Variants in UCHL1 observed in about 807,000 individuals in gnomAD.
UCHL1 encodes ubiquitin C-terminal hydrolase L1, also known as ubiquitin carboxyl-terminal hydrolase isozyme L1.
A neutral mutation model predicts 33.3 loss-of-function variants in UCHL1; 5 were observed. That is an observed-to-expected ratio of 0.15 (90% confidence interval 0.08 to 0.32). UCHL1 has a LOEUF of 0.32. Among genes scored for constraint, UCHL1 ranks in the 10% least tolerant of loss-of-function variants. The pLI, the probability that UCHL1 is intolerant of heterozygous loss-of-function variation, is 1.00. For missense variants in UCHL1, 236 were observed against 280.0 expected (o/e 0.84, Z 1.12); for synonymous variants, 132 against 108.8 (o/e 1.21, Z -1.33).
At chr4:41,265,135 C>G (rs942422790) in intron 8 of UCHL1, among the ~76,000 whole-genome samples, 1 of 152,206 alleles carries the variant, frequency 6.6e-6, no homozygotes, top group Non-Finnish European at 1.5e-5. Flanking sequence ...ACTGACCCCT[C>G]TTCTTAGGTG....
At chr4:41,265,637 A>G (rs549851015) in intron 8 of UCHL1, among the ~76,000 whole-genome samples, 1 of 152,310 alleles carries the variant, frequency 6.6e-6, no homozygotes, top group Admixed American at 6.5e-5. Context: ...GCCATTGTAC[A>G]ATACCAATAT....
intron 2 of UCHL1, chr4:41,257,329 G>A (rs1317656631): frequency 5.0e-6 from 5 of 1,003,846 alleles, no homozygotes; most frequent in African/African-American, 1.7e-5. Flanking sequence ...GGAGACGGAG[G>A]GGGCTGCGCC....
chr4:41,261,642 G>T, intron 4 of UCHL1, 73 bp from the exon 5 acceptor site: 1 of 1,523,248 alleles, frequency 6.6e-7, no homozygotes, highest in South Asian at 1.1e-5. Flanking sequence ...TTCAGCAAAG[G>T]CTTAAGTCAA....
At chr4:41,266,069 G>A (rs1342143216) in intron 8 of UCHL1, among the ~76,000 whole-genome samples, 1 of 152,122 alleles carries the variant, frequency 6.6e-6, no homozygotes, top group Non-Finnish European at 1.5e-5. Flanking sequence ...GAATTTATAA[G>A]GTGTGGGGAA....
Position 41,256,945 on chromosome 4 carries a change from C to T in UCHL1, c.-32C>T, listed in dbSNP as rs778811044. The T allele has an allele frequency of 6.2e-7, 1 of 1,614,118 alleles. No homozygotes were observed. The highest frequency in any genetic ancestry group is 8.5e-7 in the Non-Finnish European group (1 of 1,180,010). On this transcript the variant is annotated 5_prime_UTR_variant, in exon 1 of 9. Coordinates refer to ENST00000284440, the MANE Select transcript of UCHL1 (RefSeq NM_004181.5). ...GCTCCGCTAGCTGTTTTTCGTCTTC[C>T]CTAGGCTATTTCTGCCGGGCGCTCC...
intron 3 of UCHL1, 86 bp from the exon 4 acceptor site, chr4:41,260,561 T>C (rs766048499): frequency 2.5e-5 from 38 of 1,513,852 alleles, no homozygotes; most frequent in Non-Finnish European, 3.3e-5. Context: ...CCACTGGTGT[T>C]TCCATTTAGT....
chr4:41,266,002 C>T (rs1781146423), intron 8 of UCHL1, among the ~76,000 whole-genome samples: 1 of 152,202 alleles, frequency 6.6e-6, no homozygotes, highest in Non-Finnish European at 1.5e-5. Context: ...ACTCATCTAA[C>T]ACTGCACTAA....
rs371488268 is a variant in UCHL1 at position 41,262,183 on chromosome 4, C to T, written c.459+260C>T. 7.8e-4 allele frequency among the ~76,000 whole-genome samples: 119 copies of T among 152,312 alleles called. 1 individual carries two copies. In the South Asian group the frequency reaches 0.023, roughly 30 times the overall value. ...TTAGATCCAAATGAGTCTTATAGGTCAGGCATAGTGGCTCATGCCTGTAAT... is the reference window on the plus strand; with the variant it reads ...TTAGATCCAAATGAGTCTTATAGGTTAGGCATAGTGGCTCATGCCTGTAAT... On this transcript the variant is annotated intron_variant, in intron 6 of 8. Transcript: ENST00000284440.
intron 2 of UCHL1, chr4:41,257,340 C>T (rs1280742942): frequency 1.0e-6 from 1 of 954,428 alleles, no homozygotes; most frequent in Non-Finnish European, 1.5e-6. Context: ...GGGCTGCGCC[C>T]CGTGGCGAGC....
chr4:41,256,948 A>C lies in UCHL1; in HGVS notation c.-29A>C. Reference sequence around the variant, plus strand: ...CCGCTAGCTGTTTTTCGTCTTCCCTAGGCTATTTCTGCCGGGCGCTCCGCG... The same window carrying C: ...CCGCTAGCTGTTTTTCGTCTTCCCTCGGCTATTTCTGCCGGGCGCTCCGCG... On this transcript the variant is annotated 5_prime_UTR_variant, in exon 1 of 9. Transcript: ENST00000284440. 6.2e-7 allele frequency: 1 copy of C among 1,614,060 alleles called. No homozygotes were observed. Among genetic ancestry groups the C allele is most frequent in the Non-Finnish European group, 8.5e-7 (1 of 1,179,986 alleles).
At chr4:41,266,233 T>G (rs1018498102) in intron 8 of UCHL1, among the ~76,000 whole-genome samples, 3 of 151,696 alleles carry the variant, frequency 2.0e-5, no homozygotes, top group Non-Finnish European at 2.9e-5. Flanking sequence ...AAACTTTTTT[T>G]TTTTTTTTTT....
At chr4:41,262,799 T>C (rs1210312072) in intron 6 of UCHL1, among the ~76,000 whole-genome samples, 2 of 152,024 alleles carry the variant, frequency 1.3e-5, no homozygotes, top group Non-Finnish European at 2.9e-5. Flanking sequence ...AGAGATGGGG[T>C]TTCACCATGT....
intron 3 of UCHL1, among the ~76,000 whole-genome samples, chr4:41,260,178 A>C (rs1285424225): frequency 6.6e-6 from 1 of 152,260 alleles, no homozygotes; most frequent in East Asian, 1.9e-4. Context: ...AAGTGTACTT[A>C]AGCCGAGTAG....
intron 8 of UCHL1, among the ~76,000 whole-genome samples, chr4:41,264,725 TG>T (rs1218039604): frequency 2.6e-5 from 4 of 152,178 alleles, no homozygotes; most frequent in African/African-American, 9.7e-5. Context: ...GGGCAAAGGT[TG>T]GTAGACGACC....
intron 3 of UCHL1, among the ~76,000 whole-genome samples, chr4:41,258,354 C>T (rs185765103): frequency 6.6e-6 from 1 of 152,340 alleles, no homozygotes; most frequent in East Asian, 1.9e-4. Flanking sequence ...CCTCCTTCCT[C>T]TTCACTTATC....
chr4:41,258,591 A>C (rs890060368), intron 3 of UCHL1, among the ~76,000 whole-genome samples: 1 of 152,008 alleles, frequency 6.6e-6, no homozygotes, highest in Non-Finnish European at 1.5e-5. Flanking sequence ...CTTATCTCCT[A>C]TTGCTGTCAC....
chr4:41,257,255 C>A, intron 2 of UCHL1, 129 bp downstream of exon 2: 1 of 1,439,176 alleles, frequency 6.9e-7, no homozygotes, highest in South Asian at 1.3e-5. Flanking sequence ...CGGGCTGGGG[C>A]GTGGGCTGGG....
chr4:41,268,403 G>A lies in UCHL1; in HGVS notation c.*330G>A, dbSNP rs755024590. ...TGGTTTAATTGTTTGTCCTCAAAAG[G>A]AATAAAACTTTTCTGCTGATAAGAT... is the stretch of plus-strand genomic sequence containing the variant. On this transcript the variant is annotated 3_prime_UTR_variant, in exon 9 of 9. Transcript: ENST00000284440. 6 of 337,500 alleles carry A rather than the reference G, an allele frequency of 1.8e-5. No homozygotes were observed. Among genetic ancestry groups the A allele is most frequent in the Non-Finnish European group, 3.3e-5 (6 of 183,368 alleles). 20.9% of individuals were successfully genotyped at this position (337,500 alleles called of 1,614,324 possible). A position where few individuals can be genotyped will look rare whatever the true frequency, so the allele number is the denominator to read the frequency against.
chr4:41,263,260 T>C lies in UCHL1; in HGVS notation c.495T>C (p.Phe165=), dbSNP rs1359739192. The change falls in exon 7 of 9, where the codon TTT becomes TTC. Residue 165 remains phenylalanine, a synonymous_variant. Transcript: ENST00000284440. ...DDKVNFHFIL[F]NNVDGHLYEL... ...AGGTGAATTTCCATTTTATTCTGTTTAACAACGTGGATGGCCACCTCTATG... is the reference window on the plus strand; with the variant it reads ...AGGTGAATTTCCATTTTATTCTGTTCAACAACGTGGATGGCCACCTCTATG... 16 of 1,614,054 alleles carry C rather than the reference T, an allele frequency of 9.9e-6. No individual in the cohort carries two copies. Among genetic ancestry groups the C allele is most frequent in the Non-Finnish European group, 1.3e-5 (15 of 1,180,018 alleles).
Sources: gnomAD v4.1 joint callset for allele counts (sites outside exome capture counted in the v4.1 genomes callset) on GRCh38, gnomAD v4.1.1 for gene constraint, MANE v1.5 for transcripts, NCBI Gene and HGNC (gene_info 2026-07-23, HGNC 2026-07-21) for gene names.